The following CSTPP1 variants were observed in gnomAD, a reference collection of about 807,000 sequenced individuals.
CSTPP1 encodes the protein UPF0705 protein C11orf49.
chr11:46,981,478 T>C, the CSTPP1 span, among the ~76,000 whole-genome samples: 1 of 152,122 alleles, frequency 6.6e-6, no homozygotes, highest in Non-Finnish European at 1.5e-5. Context: ...AAATAAACAT[T>C]TTTAAAAATT....
chr11:47,114,263 G>C, the CSTPP1 span, among the ~76,000 whole-genome samples: 1 of 152,206 alleles, frequency 6.6e-6, no homozygotes, highest in Admixed American at 6.5e-5. Context: ...TTGTAGTATA[G>C]TTTGAAGTCA....
At chr11:47,098,303 T>TA in the CSTPP1 span, among the ~76,000 whole-genome samples, 4 of 138,440 alleles carry the variant, frequency 2.9e-5, no homozygotes, top group Non-Finnish European at 6.3e-5. Context: ...GAATTATCAA[T>TA]AAAAAAATAA....
At chr11:47,126,380 C>T in the CSTPP1 span, among the ~76,000 whole-genome samples, 5 of 151,992 alleles carry the variant, frequency 3.3e-5, no homozygotes, top group Non-Finnish European at 5.9e-5. Flanking sequence ...CCCAATACTT[C>T]GGGAGGCCAA....
chr11:47,128,997 G>GTGA, the CSTPP1 span, among the ~76,000 whole-genome samples: 5 of 152,178 alleles, frequency 3.3e-5, no homozygotes, highest in Non-Finnish European at 5.9e-5. Flanking sequence ...TTGGGAGGGT[G>GTGA]TGATGTTTTC....
chr11:47,151,632 C>T, the CSTPP1 span, among the ~76,000 whole-genome samples: 1 of 150,686 alleles, frequency 6.6e-6, no homozygotes, highest in Non-Finnish European at 1.5e-5. Flanking sequence ...GTATGCCCAG[C>T]GTTTCTGGTT....
At chr11:47,141,520 T>C in the CSTPP1 span, among the ~76,000 whole-genome samples, 1 of 152,026 alleles carries the variant, frequency 6.6e-6, no homozygotes, top group East Asian at 1.9e-4. Context: ...GGTGGGAGAA[T>C]TGCTTGAGCC....
At chr11:47,146,222 G>A in the CSTPP1 span, among the ~76,000 whole-genome samples, 6 of 152,068 alleles carry the variant, frequency 3.9e-5, no homozygotes, top group Admixed American at 1.3e-4. Context: ...AAAATTAGCC[G>A]GGCATGGTGG....
chr11:46,950,674 C>T, the CSTPP1 span, among the ~76,000 whole-genome samples: 11 of 150,448 alleles, frequency 7.3e-5, no homozygotes, highest in African/African-American at 2.4e-4. Context: ...TGCAATGGCC[C>T]GATCTCGGCT....
chr11:47,005,917 A>G, the CSTPP1 span, among the ~76,000 whole-genome samples: 2 of 152,196 alleles, frequency 1.3e-5, no homozygotes, highest in Non-Finnish European at 2.9e-5. Context: ...TTCAATATAT[A>G]TTTATTGAGT....
the CSTPP1 span, among the ~76,000 whole-genome samples, chr11:47,104,064 G>C: frequency 1.1e-4 from 16 of 152,294 alleles, no homozygotes; most frequent in Middle Eastern, 0.01. Flanking sequence ...TTTGAGGAAA[G>C]AGAATCAGAG....
the CSTPP1 span, chr11:47,154,955 G>A: frequency 1.7e-6 from 1 of 594,966 alleles, no homozygotes; most frequent in Non-Finnish European, 3.0e-6. Context: ...GTTCAGTTTG[G>A]TGGCAGAGTC....
At chr11:47,036,242 T>TTATATATTATATATTATATAATA in the CSTPP1 span, among the ~76,000 whole-genome samples, 19 of 45,184 alleles carry the variant, frequency 4.2e-4, 1 homozygote, top group East Asian at 1.6e-3. Context: ...TATATTATAT[T>TTATATATTATATATTATATAATA]TATATATTAT....
the CSTPP1 span, among the ~76,000 whole-genome samples, chr11:46,966,705 T>A: frequency 2.0e-5 from 3 of 152,248 alleles, no homozygotes; most frequent in Non-Finnish European, 4.4e-5. Context: ...AGAAATTTTT[T>A]ATGCATACTT....
chr11:47,134,929 C>T, the CSTPP1 span, among the ~76,000 whole-genome samples: 12 of 151,998 alleles, frequency 7.9e-5, no homozygotes, highest in Admixed American at 7.2e-4. Flanking sequence ...GGTGACGGCA[C>T]GAGACCCCGT....
At chr11:47,059,475 GA>G in the CSTPP1 span, among the ~76,000 whole-genome samples, 1 of 152,138 alleles carries the variant, frequency 6.6e-6, no homozygotes, top group Admixed American at 6.6e-5. Context: ...CAATTCTATA[GA>G]AGCGGGTGAA....
the CSTPP1 span, among the ~76,000 whole-genome samples, chr11:47,122,346 G>A: frequency 6.6e-6 from 1 of 151,454 alleles, no homozygotes; most frequent in Non-Finnish European, 1.5e-5. Flanking sequence ...GATGAAACAA[G>A]GTGTAGGGAA....
At chr11:47,099,921 T>C in the CSTPP1 span, among the ~76,000 whole-genome samples, 3 of 152,214 alleles carry the variant, frequency 2.0e-5, no homozygotes, top group African/African-American at 7.2e-5. Flanking sequence ...CCGCAAGCAG[T>C]ATGAATGGGT....
At chr11:47,025,672 G>A in the CSTPP1 span, among the ~76,000 whole-genome samples, 1 of 152,068 alleles carries the variant, frequency 6.6e-6, no homozygotes, top group African/African-American at 2.4e-5. Context: ...TAAAAATAGT[G>A]TTTAGTTTTC....
At chr11:47,034,383 T>A in the CSTPP1 span, among the ~76,000 whole-genome samples, 1 of 152,132 alleles carries the variant, frequency 6.6e-6, no homozygotes. Flanking sequence ...CTGCCCTAAA[T>A]CCTGGTGCTT....
Sources: gnomAD v4.1 joint callset for allele counts (sites outside exome capture counted in the v4.1 genomes callset) on GRCh38, gnomAD v4.1.1 for gene constraint, MANE v1.5 for transcripts, NCBI Gene and HGNC (gene_info 2026-07-23, HGNC 2026-07-21) for gene names.